Variants in ZNF568 observed in about 807,000 individuals in gnomAD.
ZNF568 encodes p53 inhibitor of SCO2 activation.
A neutral mutation model predicts 18.1 loss-of-function variants in ZNF568; 11 were observed. The ratio of observed to expected loss-of-function variants is 0.61; its 90% CI spans 0.38 to 1.00. The LOEUF (loss-of-function observed/expected upper bound fraction) is 1.00, where lower values mean the gene tolerates loss of function less well. Ranked by LOEUF, ZNF568 falls within the 50% of genes least tolerant of loss-of-function variation. The pLI, the probability that ZNF568 is intolerant of heterozygous loss-of-function variation, is 0.01. For synonymous variants in ZNF568, 213 were observed against 246.6 expected, an observed-to-expected ratio of 0.86 and a Z score of 1.28; for missense variants, 639 against 768.2, an observed-to-expected ratio of 0.83 and a Z score of 1.99.
At chr19:36,975,131 T>C (rs954153407) in intron 7 of ZNF568, among the ~76,000 whole-genome samples, 2 of 131,984 alleles carry the variant, frequency 1.5e-5, no homozygotes, top group Non-Finnish European at 3.2e-5. Context: ...ACGGCCCGCT[T>C]ATCAATTTCT....
Position 36,936,848 on chromosome 19 carries a change from AACT to A in ZNF568, c.241_243del (p.Tyr81del). On this transcript the variant is annotated inframe_deletion, in exon 5 of 7. Transcript: ENST00000333987. ...CTTGTATCGAGATGTGATGCTGGAGAACTACAGCAACCTAGTCACAGTGGGTAA... is the reference window on the plus strand; with the variant it reads ...CTTGTATCGAGATGTGATGCTGGAGAACAGCAACCTAGTCACAGTGGGTAA... 1.2e-6 allele frequency: 2 copies of A among 1,613,892 alleles called. No individual in the cohort carries two copies. Among genetic ancestry groups the A allele is most frequent in the Non-Finnish European group, 1.7e-6 (2 of 1,179,792 alleles).
rs1456983698 is a variant in ZNF568 at position 36,916,812 on chromosome 19, TC to T, written c.-256+222del. ...GCGTGATTGTAATATGTCTAGTAGT[TC>T]TTGTCTTGAGCTGGCTTTTCTGTAG... On this transcript the variant is annotated intron_variant, in intron 1 of 6. Transcript: ENST00000333987. The surrounding 1 kb of genome is among the most constrained non-coding windows in gnomAD (Gnocchi z 5.3). 6.6e-6 allele frequency among the ~76,000 whole-genome samples: 1 copy of T among 152,106 alleles called. No individual in the cohort carries two copies. Among genetic ancestry groups the T allele is most frequent in the Non-Finnish European group, 1.5e-5 (1 of 68,004 alleles).
At chr19:36,946,514 A>G (rs1397242992) in intron 6 of ZNF568, among the ~76,000 whole-genome samples, 1 of 152,044 alleles carries the variant, frequency 6.6e-6, no homozygotes, top group Admixed American at 6.6e-5. Flanking sequence ...TCTTTGTTTA[A>G]ATAAGGAATC....
chr19:36,974,223 G>T (rs1050016008), intron 6 of ZNF568, among the ~76,000 whole-genome samples: 36 of 152,202 alleles, frequency 2.4e-4, no homozygotes, highest in African/African-American at 7.7e-4. Flanking sequence ...GCTACGGTCT[G>T]GGGGGCTCTC....
chr19:36,989,385 C>G (rs2551057), intron 2 of ZNF568, among the ~76,000 whole-genome samples: 80,982 of 151,778 alleles, frequency 0.53, 22,116 homozygotes, highest in African/African-American at 0.62. Flanking sequence ...GTTTCACCAT[C>G]TTGACCAGGC....
At chr19:36,929,162 C>T (rs578140896) in intron 4 of ZNF568, among the ~76,000 whole-genome samples, 28 of 152,234 alleles carry the variant, frequency 1.8e-4, no homozygotes, top group African/African-American at 6.3e-4. Context: ...TCAACATATA[C>T]ACCCAGAACT....
At chr19:36,967,142 ACCT>A (rs2074200782) in intron 6 of ZNF568, among the ~76,000 whole-genome samples, 1 of 151,702 alleles carries the variant, frequency 6.6e-6, no homozygotes, top group Non-Finnish European at 1.5e-5. Flanking sequence ...CTTGGGAAAG[ACCT>A]CCTTCCAAGT....
intron 2 of ZNF568, among the ~76,000 whole-genome samples, chr19:36,921,851 T>C (rs1056033002): frequency 2.0e-5 from 3 of 152,182 alleles, no homozygotes; most frequent in African/African-American, 4.8e-5. Context: ...TGAAACTCTC[T>C]TTTATGCCAA....
At chr19:36,958,287 C>T (rs942830383) in intron 6 of ZNF568, among the ~76,000 whole-genome samples, 6 of 152,078 alleles carry the variant, frequency 3.9e-5, no homozygotes, top group African/African-American at 1.4e-4. Context: ...ATGCTGGCCT[C>T]ATAGACTGAG....
chr19:36,950,911 T>G lies in ZNF568; in HGVS notation c.1758T>G (p.Tyr586Ter), dbSNP rs754021761. 2 of 1,613,720 alleles carry G rather than the reference T, an allele frequency of 1.2e-6. No individual in the cohort carries two copies. Among genetic ancestry groups the G allele is most frequent in the South Asian group, 1.1e-5 (1 of 90,994 alleles). The change falls in exon 7 of 7, where the codon TAT becomes TAG. Residue 586 changes from tyrosine to a stop codon, truncating the protein, a stop_gained. Transcript: ENST00000333987. LOFTEE classifies it low-confidence loss of function (END_TRUNC). ...HVRSHTGEKPYECNKCGKAFS... is the reference protein window; with the variant it reads ...HVRSHTGEKP The stretch of plus-strand genomic sequence containing the variant: ...GAAGTCACACAGGGGAGAAACCCTA[T>G]GAATGTAATAAATGTGGGAAAGCCT...
intron 6 of ZNF568, among the ~76,000 whole-genome samples, chr19:36,943,842 G>A (rs1285421898): frequency 6.6e-6 from 1 of 151,946 alleles, no homozygotes; most frequent in Non-Finnish European, 1.5e-5. Context: ...CAAAGTGCTG[G>A]GATTACAGTC....
chr19:36,946,797 C>T lies in ZNF568; in HGVS notation c.359-2715C>T, dbSNP rs578149893. 3.3e-5 allele frequency among the ~76,000 whole-genome samples: 5 copies of T among 151,496 alleles called. No homozygotes were observed. The South Asian group carries it at 1.0e-3, about 32-fold the overall frequency. ...CCTCCCAAGTAGCTGGGATTATAGGCATGCTCCACCACACCCAACTAATTT... is the reference window on the plus strand; with the variant it reads ...CCTCCCAAGTAGCTGGGATTATAGGTATGCTCCACCACACCCAACTAATTT... On this transcript the variant is annotated intron_variant, in intron 6 of 6. Coordinates refer to ENST00000333987, the MANE Select transcript of ZNF568 (RefSeq NM_198539.4).
chr19:36,996,832 C>A (rs759432125), exon 5 of ZNF568: 1 of 1,544,378 alleles, frequency 6.5e-7, no homozygotes, highest in East Asian at 2.4e-5. Context: ...TTCCAGCTCA[C>A]AAATTAGTCA....
downstream of ZNF568, among the ~76,000 whole-genome samples, chr19:36,956,159 G>A (rs1005999125): frequency 6.6e-6 from 1 of 152,196 alleles, no homozygotes; most frequent in African/African-American, 2.4e-5. Context: ...GTGGGAACTC[G>A]AGTGTAAGCT....
Position 36,921,741 on chromosome 19 carries a change from G to A in ZNF568, c.-185-845G>A, listed in dbSNP as rs552632761. 8.5e-5 allele frequency among the ~76,000 whole-genome samples: 13 copies of A among 152,078 alleles called. No individual in the cohort carries two copies. The South Asian group carries it at 2.7e-3, about 32-fold the overall frequency. Reference sequence around the variant, plus strand: ...ATATTATTGTGACATGAGTATAATTGTCATTTCAGATGAAGAATCTTGGAA... The same window carrying A: ...ATATTATTGTGACATGAGTATAATTATCATTTCAGATGAAGAATCTTGGAA... On this transcript the variant is annotated intron_variant, in intron 2 of 6. Coordinates refer to ENST00000333987, the MANE Select transcript of ZNF568 (RefSeq NM_198539.4).
At position 36,968,861 on chromosome 19, in the gene ZNF568, CT is replaced by C. The variant is rs111450122; in HGVS notation, c.359-5548del. Reference sequence around the variant, plus strand: ...TCTAAGGGACAAGCATGAATGAGTTCTTTTTTTTTTTCTTTTCAGAGTCTTG... The same window carrying C: ...TCTAAGGGACAAGCATGAATGAGTTCTTTTTTTTTTCTTTTCAGAGTCTTG... On this transcript the variant is annotated intron_variant, in intron 6 of 7. Transcript: ENST00000427117. Among the ~76,000 whole-genome samples the C allele has an allele frequency of 6.6e-3, 967 of 147,630 alleles. 28 individuals are homozygous for C. Among genetic ancestry groups the C allele is most frequent in the East Asian group, 0.051 (254 of 4,992 alleles).
downstream of ZNF568, among the ~76,000 whole-genome samples, chr19:36,984,638 T>C (rs1281657360): frequency 6.6e-6 from 1 of 152,134 alleles, no homozygotes; most frequent in Non-Finnish European, 1.5e-5. Context: ...CTGGGATCAC[T>C]TTCCTTTAGA....
Position 36,949,735 on chromosome 19 carries a change from T to C in ZNF568, c.582T>C (p.Tyr194=). The change falls in exon 7 of 7, where the codon TAT becomes TAC. Residue 194 remains tyrosine (Y), a synonymous_variant. Coordinates refer to ENST00000333987, the MANE Select transcript of ZNF568 (RefSeq NM_198539.4). ...GLEHNLDLLR[Y]EKGCVREKQS... Reference sequence around the variant, plus strand: ...AACATAATTTAGACTTACTTAGATATGAGAAAGGCTGTGTAAGAGAGAAAC... The same window carrying C: ...AACATAATTTAGACTTACTTAGATACGAGAAAGGCTGTGTAAGAGAGAAAC... 6.2e-7 allele frequency: 1 copy of C among 1,613,136 alleles called. No individual in the cohort carries two copies. Among genetic ancestry groups the C allele is most frequent in the African/African-American group, 1.3e-5 (1 of 75,044 alleles).
At chr19:36,955,194 C>CTT (rs34883962), downstream of ZNF568, among the ~76,000 whole-genome samples, 3 of 147,880 alleles carry the variant, frequency 2.0e-5, no homozygotes, top group African/African-American at 5.0e-5. Flanking sequence ...ATTTGTGAGA[C>CTT]TTTTTTTTTT....
Sources: allele counts gnomAD v4.1 joint callset (sites outside exome capture counted in the v4.1 genomes callset), GRCh38; gene constraint gnomAD v4.1.1; non-coding constraint Gnocchi (gnomAD v3.1); transcripts MANE v1.5; gene names NCBI Gene and HGNC (gene_info 2026-07-23, HGNC 2026-07-21).